NEMF: variants seen among roughly 807,000 people sequenced by gnomAD.
NEMF encodes the protein ribosome quality control complex subunit NEMF.
A neutral mutation model predicts 162.2 loss-of-function variants in NEMF; 89 were observed. The observed-to-expected ratio is 0.55, with a 90% CI of 0.46 to 0.65. The LOEUF (loss-of-function observed/expected upper bound fraction) is 0.65. NEMF is among the 30% of genes least tolerant of loss of function. The probability of loss-of-function intolerance (pLI) is 0.00; values close to 1 mark genes in which losing one functional copy is unlikely to be tolerated. For missense variants in NEMF, 1,133 were observed against 1,261.9 expected (o/e 0.90, Z 1.55); for synonymous variants, 421 against 404.5 (o/e 1.04, Z -0.49).
intron 26 of NEMF, among the ~76,000 whole-genome samples, chr14:49,790,385 G>T (rs1475513225): frequency 6.6e-6 from 1 of 152,088 alleles, no homozygotes; most frequent in African/African-American, 2.4e-5. Flanking sequence ...TAGGCACTTC[G>T]AAAGAGGATA....
At chr14:49,833,577 C>T in intron 7 of NEMF, 81 bp from the exon 8 acceptor site, 3 of 816,456 alleles carry the variant, frequency 3.7e-6, no homozygotes, top group Non-Finnish European at 3.8e-6. Context: ...TGTAGAAAAA[C>T]AGGAAAGTGC....
intron 1 of NEMF, among the ~76,000 whole-genome samples, chr14:49,852,415 A>C (rs1305925665): frequency 6.6e-6 from 1 of 152,208 alleles, no homozygotes; most frequent in Non-Finnish European, 1.5e-5. Context: ...TTCCTGCCCA[A>C]CCCGGACAAC....
intron 8 of NEMF, among the ~76,000 whole-genome samples, 199 bp downstream of exon 8, chr14:49,833,224 C>T (rs1259320278): frequency 6.6e-6 from 1 of 152,128 alleles, no homozygotes; most frequent in Non-Finnish European, 1.5e-5. Context: ...CAAGATCATG[C>T]CACTGCACTC....
At chr14:49,837,716 G>A (rs1266371742) in intron 6 of NEMF, among the ~76,000 whole-genome samples, 1 of 150,756 alleles carries the variant, frequency 6.6e-6, no homozygotes, top group Non-Finnish European at 1.5e-5. Flanking sequence ...ATAGGGCTAA[G>A]TGATGATCTT....
intron 18 of NEMF, among the ~76,000 whole-genome samples, chr14:49,813,160 T>G (rs140638986): frequency 6.6e-6 from 1 of 152,124 alleles, no homozygotes; most frequent in Non-Finnish European, 1.5e-5. Context: ...ACCCCAAACC[T>G]GAAAATCCAA....
Position 49,828,801 on chromosome 14 carries a change from T to C in NEMF, c.1239A>G (p.Pro413=), listed in dbSNP as rs1892495197. 1 of 1,529,044 alleles carries C rather than the reference T, an allele frequency of 6.5e-7. No individual in the cohort carries two copies. Among genetic ancestry groups the C allele is most frequent in the Non-Finnish European group, 8.8e-7 (1 of 1,135,174 alleles). The allele number at this position is 1,529,044 out of a possible 1,614,324, so 94.7% of individuals were successfully genotyped here. ...TNHVTMLLRN[P]YLLSEEEDDD... ...CATCTTCCTCCTCTGATAACAAGTA[T>C]GGATTTCTATTAAAAATATTCAATA... Residue 413 remains proline (P), a synonymous_variant, in exon 14 of 33, where the codon CCA becomes CCG. Coordinates refer to ENST00000298310, the MANE Select transcript of NEMF (RefSeq NM_004713.6).
chr14:49,839,454 T>C (rs1034134055), intron 5 of NEMF: 2 of 152,224 alleles, frequency 1.3e-5, no homozygotes, highest in East Asian at 1.9e-4. Context: ...AGAAATGATG[T>C]ATGTTAAACT....
chr14:49,794,804 C>T (rs1250452238), intron 26 of NEMF, among the ~76,000 whole-genome samples: 3 of 150,966 alleles, frequency 2.0e-5, no homozygotes, highest in South Asian at 2.1e-4. Context: ...CTGCAACCTC[C>T]GCCTCCTGGG....
chr14:49,848,560 G>A (rs968475256), intron 3 of NEMF, among the ~76,000 whole-genome samples: 1 of 152,174 alleles, frequency 6.6e-6, no homozygotes, highest in Admixed American at 6.5e-5. Context: ...ATACGGTCTG[G>A]GTATGGCAGC....
At chr14:49,808,749 T>G (rs903931172) in intron 18 of NEMF, among the ~76,000 whole-genome samples, 2 of 151,408 alleles carry the variant, frequency 1.3e-5, no homozygotes, top group African/African-American at 4.9e-5. Context: ...GTTAAGCCAC[T>G]GACTGGCAGA....
At position 49,832,084 on chromosome 14, in the gene NEMF, T is replaced by C. The variant is rs766852603; in HGVS notation, c.849A>G (p.Gln283=). The part of the protein sequence containing the change: ...FHPFLFSQHS[Q]CPYIEFESFD... ...ATGATTCAAATTCTATATATGGACATTGTGAATGTTGAGAAAACAAGAAAG... is the reference window on the plus strand; with the variant it reads ...ATGATTCAAATTCTATATATGGACACTGTGAATGTTGAGAAAACAAGAAAG... The change falls in exon 10 of 33, where the codon CAA becomes CAG. Residue 283 remains glutamine (Q), a synonymous_variant. Transcript: ENST00000298310. 3.7e-6 allele frequency: 6 copies of C among 1,607,562 alleles called. No individual in the cohort carries two copies. Among genetic ancestry groups the C allele is most frequent in the Admixed American group, 1.7e-5 (1 of 58,284 alleles).
chr14:49,831,419 G>C, intron 10 of NEMF, 58 bp from the exon 11 acceptor site: 1 of 976,582 alleles, frequency 1.0e-6, no homozygotes, highest in South Asian at 1.4e-5. Context: ...ACTTCAACTT[G>C]CATACACAGA....
chr14:49,825,921 GTTTGC>G lies in NEMF; in HGVS notation c.1518_1522del (p.Lys506AsnfsTer21). 6.2e-7 allele frequency: 1 copy of G among 1,611,268 alleles called. No homozygotes were observed. The highest frequency in any genetic ancestry group is 8.5e-7 in the Non-Finnish European group (1 of 1,178,000). ...GGTAACAGTCTGAACTTCTTTTAAT[GTTTGC>G]TTTGTTTTCTTTTCTGCTGACTTGA... On this transcript the variant is annotated frameshift_variant, in exon 16 of 33. Coordinates refer to ENST00000298310, the MANE Select transcript of NEMF (RefSeq NM_004713.6). LOFTEE classifies it high-confidence loss of function.
At chr14:49,813,088 T>C (rs1047075800) in intron 18 of NEMF, among the ~76,000 whole-genome samples, 1 of 152,188 alleles carries the variant, frequency 6.6e-6, no homozygotes, top group Non-Finnish European at 1.5e-5. Context: ...GCTTGTTTTA[T>C]AGACTATCCT....
At chr14:49,815,906 G>A (rs546040380) in intron 16 of NEMF, among the ~76,000 whole-genome samples, 1 of 152,152 alleles carries the variant, frequency 6.6e-6, no homozygotes, top group Non-Finnish European at 1.5e-5. Context: ...GGAGCTTGCA[G>A]TGAGCTGAGA....
rs1189810308 is a variant in NEMF, at chr14:49,800,448, T to C, written c.2344A>G (p.Ile782Val). The change falls in exon 23 of 33, where the codon ATT (isoleucine) becomes GTT (valine). Residue 782 changes from isoleucine to valine, a missense_variant. Ile to Val is a conservative substitution (Grantham distance 29). Around this residue, in one of 3 missense-constraint regions of NEMF, gnomAD observed 532 missense variants for 578.6 expected, o/e 0.92. Transcript: ENST00000298310. ...EETLNYPDTT[I>V]DLSHLQPQRS... ...TGGGGTTGAAGGTGAGACAAGTCAA[T>C]GGTAGTATCAGGATAATTTAATGTC... The C allele has an allele frequency of 6.2e-7, 1 of 1,613,494 alleles. No homozygotes were observed. The highest frequency in any genetic ancestry group is 8.5e-7 in the Non-Finnish European group (1 of 1,179,610).
intron 25 of NEMF, 52 bp downstream of exon 25, chr14:49,799,423 T>TAAAA: frequency 8.4e-7 from 1 of 1,185,598 alleles, no homozygotes; most frequent in East Asian, 2.9e-5. Context: ...AGCTATCAAT[T>TAAAA]AAAAAAAAAA....
chr14:49,819,392 CATATATATATATATATAT>C (rs10596408), intron 16 of NEMF, among the ~76,000 whole-genome samples: 1 of 147,480 alleles, frequency 6.8e-6, no homozygotes, highest in Admixed American at 6.8e-5. Flanking sequence ...TATTATAGAC[CATATATATATATATATAT>C]ATATATATAT....
chr14:49,839,048 G>A (rs1485411635), intron 5 of NEMF, among the ~76,000 whole-genome samples: 8 of 150,896 alleles, frequency 5.3e-5, no homozygotes, highest in African/African-American at 1.2e-4. Flanking sequence ...AGCCCTCCAG[G>A]TAATGCTGAA....
Sources: gnomAD v4.1 joint callset for allele counts (sites outside exome capture counted in the v4.1 genomes callset) on GRCh38, gnomAD v4.1.1 for gene constraint, gnomAD v4.1.1 regional missense constraint, MANE v1.5 for transcripts, NCBI Gene and HGNC (gene_info 2026-07-23, HGNC 2026-07-21) for gene names.